Variants in TMEM114 observed in about 807,000 individuals in gnomAD.
The protein encoded by TMEM114 is claudin-26.
Under a neutral mutation model 6.2 loss-of-function variants are expected in TMEM114, and 6 were observed. The observed-to-expected ratio is 0.97, with a 90% CI of 0.53 to 1.91. The LOEUF (loss-of-function observed/expected upper bound fraction) is 1.91, where lower values mean the gene tolerates loss of function less well. TMEM114 is among the 40% of genes most tolerant of loss of function. The pLI is 0.01. For synonymous variants in TMEM114, 104 were observed against 73.0 expected, an observed-to-expected ratio of 1.42 and a Z score of -2.16; for missense variants, 218 against 158.3, an observed-to-expected ratio of 1.38 and a Z score of -2.02.
At chr16:8,556,289 C>A (rs1233049354) in intron 2 of TMEM114, among the ~76,000 whole-genome samples, 2 of 152,190 alleles carry the variant, frequency 1.3e-5, no homozygotes, top group African/African-American at 4.8e-5. Flanking sequence ...ATCACTCAAG[C>A]TATAGACAGA....
intron 2 of TMEM114, among the ~76,000 whole-genome samples, chr16:8,585,522 C>T (rs1480534460): frequency 6.6e-6 from 1 of 152,100 alleles, no homozygotes; most frequent in Admixed American, 6.6e-5. Context: ...CTAGCTTCTC[C>T]TCTATGGCCT....
intron 2 of TMEM114, among the ~76,000 whole-genome samples, chr16:8,540,119 G>A (rs757175810): frequency 1.3e-5 from 2 of 152,144 alleles, no homozygotes; most frequent in Non-Finnish European, 2.9e-5. Flanking sequence ...CTGCTGTGCC[G>A]GGCCACAAAT....
chr16:8,569,514 C>A lies in TMEM114; in HGVS notation c.*259G>T, dbSNP rs1596308341. On this transcript the variant is annotated 3_prime_UTR_variant, in exon 4 of 4. Coordinates refer to ENST00000620492, the MANE Select transcript of TMEM114 (RefSeq NM_001146336.2). ...AAAGCTCTGTGTGTGATTAAAGGAT[C>A]GTTTTTATTTCTCGCGAAGCGGTTT... 21 of 1,382,758 alleles carry A rather than the reference C, an allele frequency of 1.5e-5. No individual in the cohort carries two copies. Among genetic ancestry groups the A allele is most frequent in the Non-Finnish European group, 2.0e-5 (21 of 1,069,024 alleles). 85.7% of individuals were successfully genotyped at this position (1,382,758 alleles called of 1,614,324 possible). A position where few individuals can be genotyped will look rare whatever the true frequency, so the allele number is the denominator to read the frequency against.
At chr16:8,573,999 A>G (rs1165488899) in intron 2 of TMEM114, among the ~76,000 whole-genome samples, 2 of 152,184 alleles carry the variant, frequency 1.3e-5, no homozygotes, top group Non-Finnish European at 2.9e-5. Flanking sequence ...TAGTGAATGA[A>G]TGAGTGAGTG....
At chr16:8,550,292 C>G (rs1900799798) in intron 2 of TMEM114, among the ~76,000 whole-genome samples, 1 of 152,226 alleles carries the variant, frequency 6.6e-6, no homozygotes, top group African/African-American at 2.4e-5. Flanking sequence ...CATCCAGAAA[C>G]AATACTTTGC....
downstream of TMEM114, among the ~76,000 whole-genome samples, chr16:8,535,647 A>T (rs1021359395): frequency 1.3e-4 from 20 of 152,348 alleles, no homozygotes; most frequent in Admixed American, 6.5e-4. Flanking sequence ...CACTGATCTT[A>T]TGAGTTCTGT....
rs1327729226 is a variant in TMEM114 at position 8,590,201 on chromosome 16, C to T, written c.-363G>A. On this transcript the variant is annotated 5_prime_UTR_variant, in exon 1 of 4. Coordinates refer to ENST00000620492, the MANE Select transcript of TMEM114 (RefSeq NM_001146336.2). ...ACCAGCACCTTAACCCACCTCGTCC[C>T]TCAGCCCCACTCCACCCTCGGCCCT... The T allele has an allele frequency of 9.2e-6, 2 of 217,384 alleles. No homozygotes were observed. Among genetic ancestry groups the T allele is most frequent in the African/African-American group, 4.6e-5 (2 of 43,710 alleles). The allele number at this position is 217,384 out of a possible 1,614,324, so 13.5% of individuals were successfully genotyped here.
chr16:8,540,816 G>A (rs980607706), intron 2 of TMEM114, among the ~76,000 whole-genome samples: 5 of 152,244 alleles, frequency 3.3e-5, no homozygotes, highest in Non-Finnish European at 7.3e-5. Flanking sequence ...TGTTACAGAA[G>A]AGAGATGTAG....
chr16:8,533,289 G>C (rs1220422622), downstream of TMEM114, among the ~76,000 whole-genome samples: 4 of 152,198 alleles, frequency 2.6e-5, no homozygotes, highest in Admixed American at 2.6e-4. Context: ...TCTGAGTTGA[G>C]ACCTGGATGA....
At chr16:8,545,028 A>G (rs1900619485) in intron 2 of TMEM114, among the ~76,000 whole-genome samples, 2 of 152,056 alleles carry the variant, frequency 1.3e-5, no homozygotes, top group East Asian at 3.9e-4. Context: ...CAGTGTGGTT[A>G]TAAGTTGTGG....
chr16:8,562,592 G>T (rs1485048082), intron 2 of TMEM114, among the ~76,000 whole-genome samples: 2 of 119,184 alleles, frequency 1.7e-5, no homozygotes, highest in African/African-American at 3.3e-5. Context: ...AAATAAGTAA[G>T]TGAATGAGTG....
At chr16:8,557,252 G>C (rs991534376) in intron 2 of TMEM114, among the ~76,000 whole-genome samples, 9 of 152,138 alleles carry the variant, frequency 5.9e-5, no homozygotes, top group Non-Finnish European at 8.8e-5. Context: ...GGTCACAAAA[G>C]GTAACACAAC....
At chr16:8,531,851 G>A in the TMEM114 span, 1 of 152,224 alleles carries the variant, frequency 6.6e-6, no homozygotes, top group Admixed American at 6.5e-5. Flanking sequence ...TTAATGGAAA[G>A]GGATGTAAAA....
intron 2 of TMEM114, among the ~76,000 whole-genome samples, chr16:8,580,884 G>T (rs149722418): frequency 6.6e-6 from 1 of 152,060 alleles, no homozygotes; most frequent in Non-Finnish European, 1.5e-5. Flanking sequence ...TAGAGACAGC[G>T]TTTCACCATG....
chr16:8,580,315 C>T (rs535944214), intron 2 of TMEM114, among the ~76,000 whole-genome samples: 8 of 152,054 alleles, frequency 5.3e-5, no homozygotes, highest in South Asian at 2.1e-4. Context: ...GGCGAAAACC[C>T]GTCTCTACTA....
downstream of TMEM114, among the ~76,000 whole-genome samples, chr16:8,567,592 C>G (rs1444425689): frequency 6.6e-6 from 1 of 152,134 alleles, no homozygotes; most frequent in Non-Finnish European, 1.5e-5. Context: ...TGGCCTCTTC[C>G]CACTGGAGCT....
chr16:8,529,691 G>A, the TMEM114 span, among the ~76,000 whole-genome samples: 1 of 150,800 alleles, frequency 6.6e-6, no homozygotes, highest in African/African-American at 2.4e-5. Context: ...TAGTAGTTCT[G>A]AATCCTAGCT....
chr16:8,586,875 G>C (rs961700615), intron 2 of TMEM114, among the ~76,000 whole-genome samples: 4 of 152,088 alleles, frequency 2.6e-5, no homozygotes, highest in African/African-American at 9.7e-5. Context: ...GCAGTTTGGG[G>C]CTCAGAACAG....
the TMEM114 span, among the ~76,000 whole-genome samples, chr16:8,529,209 A>T: frequency 1.9e-3 from 288 of 152,244 alleles, no homozygotes; most frequent in African/African-American, 6.4e-3. Flanking sequence ...GATGAAGGTT[A>T]TTTCTCTCTT....
Sources: allele counts gnomAD v4.1 joint callset (sites outside exome capture counted in the v4.1 genomes callset), GRCh38; gene constraint gnomAD v4.1.1; transcripts MANE v1.5; gene names NCBI Gene and HGNC (gene_info 2026-07-23, HGNC 2026-07-21).